Variants in NRG3 observed in about 807,000 individuals in gnomAD.
The protein encoded by NRG3 is pro-neuregulin-3, membrane-bound isoform.
In NRG3, 31 loss-of-function variants were observed where a neutral mutation model predicts 66.9. The observed-to-expected ratio is 0.46, with a 90% CI of 0.35 to 0.63. NRG3 has a LOEUF of 0.63. Among genes scored for constraint, NRG3 ranks in the 20% least tolerant of loss-of-function variants. NRG3 has a pLI of 0.00. For missense variants in NRG3, 910 were observed against 878.9 expected, an observed-to-expected ratio of 1.04 and a Z score of -0.45; for synonymous variants, 393 against 359.4, an observed-to-expected ratio of 1.09 and a Z score of -1.06.
At chr10:82,282,794 C>T (rs1889895) in intron 1 of NRG3, among the ~76,000 whole-genome samples, 21,748 of 152,028 alleles carry the variant, frequency 0.14, 1,679 homozygotes, top group East Asian at 0.24. Flanking sequence ...CTGTGGGATG[C>T]TTTTCCACTA....
intron 1 of NRG3, among the ~76,000 whole-genome samples, chr10:82,089,522 C>G (rs2065911165): frequency 1.3e-5 from 2 of 152,114 alleles, no homozygotes; most frequent in African/African-American, 4.8e-5. Context: ...GAGTGGTGAG[C>G]CTAATTCCCA....
chr10:82,918,458 A>G (rs1387542280), intron 4 of NRG3, among the ~76,000 whole-genome samples: 1 of 152,236 alleles, frequency 6.6e-6, no homozygotes, highest in African/African-American at 2.4e-5. Flanking sequence ...AACAAATACC[A>G]TTGATGACAA....
chr10:82,147,875 T>C (rs879884350), intron 1 of NRG3, among the ~76,000 whole-genome samples: 4 of 152,204 alleles, frequency 2.6e-5, no homozygotes, highest in Non-Finnish European at 5.9e-5. Flanking sequence ...GTCCCAGTTT[T>C]CTCTCTCTTT....
chr10:82,004,207 T>C (rs533462254), intron 1 of NRG3, among the ~76,000 whole-genome samples: 1 of 152,264 alleles, frequency 6.6e-6, no homozygotes, highest in African/African-American at 2.4e-5. Context: ...TATATTATTA[T>C]GAAGAATTTA....
In NRG3 at chr10:82,493,879, C is replaced by T. The variant is rs187033969; in HGVS notation, c.953+135011C>T. 4.3e-3 allele frequency among the ~76,000 whole-genome samples: 648 copies of T among 152,148 alleles called. 1 individual carries two copies. Among genetic ancestry groups the T allele is most frequent in the Non-Finnish European group, 6.5e-3 (444 of 67,968 alleles). On this transcript the variant is annotated intron_variant, in intron 2 of 8. Transcript: ENST00000372141. ...AAACATCTAATATCCAGAATCTACACGGAACTTAAACTTACAACAAAAAAC... is the reference window on the plus strand; with the variant it reads ...AAACATCTAATATCCAGAATCTACATGGAACTTAAACTTACAACAAAAAAC...
chr10:82,010,323 T>A (rs1340766276), intron 1 of NRG3, among the ~76,000 whole-genome samples: 1 of 152,178 alleles, frequency 6.6e-6, no homozygotes, highest in Non-Finnish European at 1.5e-5. Flanking sequence ...GGGCCGTCTC[T>A]CCCTCTTTCA....
At chr10:82,822,846 G>A (rs2062012247) in intron 3 of NRG3, among the ~76,000 whole-genome samples, 1 of 151,870 alleles carries the variant, frequency 6.6e-6, no homozygotes, top group South Asian at 2.1e-4. Context: ...TGGCCACTAA[G>A]GGGTCTTTCC....
At chr10:82,408,109 AAG>A (rs1160898536) in intron 2 of NRG3, among the ~76,000 whole-genome samples, 1 of 140,686 alleles carries the variant, frequency 7.1e-6, no homozygotes, top group South Asian at 2.2e-4. Context: ...GAAAGAAAGA[AAG>A]AAAGAAAGAA....
In NRG3 at chr10:82,809,846, T is replaced by C. The variant is rs149893314; in HGVS notation, c.1028-55565T>C. Among the ~76,000 whole-genome samples, 91 of 152,236 alleles carry C rather than the reference T, an allele frequency of 6.0e-4. No homozygotes were observed. The East Asian group carries it at 9.6e-3, about 16-fold the overall frequency. On this transcript the variant is annotated intron_variant, in intron 3 of 8. Coordinates refer to ENST00000372141, the MANE Select transcript of NRG3 (RefSeq NM_001010848.4). ...ACACCCCCATTCTCACAATCTGCTT[T>C]CCATGACCTTGTCAATAAAACTTCA...
chr10:82,425,680 C>A (rs935176927), intron 2 of NRG3, among the ~76,000 whole-genome samples: 2 of 152,132 alleles, frequency 1.3e-5, no homozygotes, highest in Non-Finnish European at 2.9e-5. Context: ...ATAATAAGAA[C>A]TGAGAACATT....
intron 4 of NRG3, among the ~76,000 whole-genome samples, chr10:82,877,298 T>C (rs1383355716): frequency 6.6e-6 from 1 of 151,526 alleles, no homozygotes; most frequent in Non-Finnish European, 1.5e-5. Context: ...GCTCAGGCCT[T>C]GTACCAGGCC....
intron 1 of NRG3, among the ~76,000 whole-genome samples, chr10:81,950,346 C>G (rs1849238009): frequency 6.6e-6 from 1 of 152,134 alleles, no homozygotes; most frequent in Non-Finnish European, 1.5e-5. Context: ...CTGCTGTGTG[C>G]CAGAGCATCC....
At chr10:82,040,682 C>T (rs2062993350) in intron 1 of NRG3, among the ~76,000 whole-genome samples, 1 of 151,942 alleles carries the variant, frequency 6.6e-6, no homozygotes, top group African/African-American at 2.4e-5. Context: ...TGTCTGTTGT[C>T]ACACCCTAGG....
chr10:82,738,366 A>G (rs1479069622), intron 2 of NRG3, among the ~76,000 whole-genome samples: 1 of 152,254 alleles, frequency 6.6e-6, no homozygotes, highest in Admixed American at 6.5e-5. Flanking sequence ...AAACTATAAA[A>G]GCAAAGCTAC....
intron 2 of NRG3, among the ~76,000 whole-genome samples, chr10:82,672,916 A>AT (rs535155062): frequency 1.3e-4 from 19 of 151,974 alleles, no homozygotes; most frequent in Non-Finnish European, 2.8e-4. Context: ...CACCCGGCTA[A>AT]TTTTTTGTGT....
intron 4 of NRG3, among the ~76,000 whole-genome samples, chr10:82,893,037 TTCATAGTGA>T (rs1843311289): frequency 6.6e-6 from 1 of 152,140 alleles, no homozygotes; most frequent in Non-Finnish European, 1.5e-5. Context: ...TTAGGCACCT[TTCATAGTGA>T]TTGATAGATC....
At chr10:82,209,811 T>C (rs1030143111) in intron 1 of NRG3, among the ~76,000 whole-genome samples, 2 of 152,168 alleles carry the variant, frequency 1.3e-5, no homozygotes, top group African/African-American at 4.8e-5. Flanking sequence ...AACCTTTCAG[T>C]TTTGCAGTGT....
intron 1 of NRG3, among the ~76,000 whole-genome samples, chr10:82,179,982 T>C (rs560345198): frequency 4.8e-4 from 73 of 151,876 alleles, no homozygotes; most frequent in Non-Finnish European, 8.1e-4. Context: ...TCCTAAGTGT[T>C]TTATTATTTT....
intron 2 of NRG3, among the ~76,000 whole-genome samples, chr10:82,499,228 C>G (rs1843917510): frequency 6.6e-6 from 1 of 152,122 alleles, no homozygotes; most frequent in Admixed American, 6.6e-5. Flanking sequence ...ACAATCTGAG[C>G]TGTAACTCAG....
Sources: gnomAD v4.1 joint callset for allele counts (sites outside exome capture counted in the v4.1 genomes callset) on GRCh38, gnomAD v4.1.1 for gene constraint, MANE v1.5 for transcripts, NCBI Gene and HGNC (gene_info 2026-07-23, HGNC 2026-07-21) for gene names.